Variants in RGPD2 observed in about 807,000 individuals in gnomAD.
RGPD2 encodes the protein RANBP2-like and GRIP domain-containing protein 2.
A neutral mutation model predicts 36.0 loss-of-function variants in RGPD2; 2 were observed. The ratio of observed to expected loss-of-function variants is 0.06; its 90% confidence interval spans 0.02 to 0.17. The LOEUF is 0.17. RGPD2 is among the 10% of genes least tolerant of loss of function. RGPD2 has a pLI of 1.00. For missense variants in RGPD2, 40 were observed against 464.3 expected, an observed-to-expected ratio of 0.09 and a Z score of 8.40; for synonymous variants, 19 against 163.8, an observed-to-expected ratio of 0.12 and a Z score of 6.75.
chr2:87,860,913 A>T, the RGPD2 span, among the ~76,000 whole-genome samples: 1 of 151,424 alleles, frequency 6.6e-6, no homozygotes. Context: ...ATATGATTTT[A>T]TTAGCCCCCT....
chr2:87,989,809 G>A, the RGPD2 span: 38 of 1,334,758 alleles, frequency 2.8e-5, no homozygotes, highest in Non-Finnish European at 3.5e-5. Context: ...GAATCCCTCA[G>A]TTCTGGAACT....
At chr2:87,915,268 G>A in the RGPD2 span, among the ~76,000 whole-genome samples, 17 of 142,378 alleles carry the variant, frequency 1.2e-4, no homozygotes, top group Non-Finnish European at 2.0e-4. Context: ...ATACGTGTGT[G>A]TGTGTGTATA....
At chr2:87,842,045 TG>T in the RGPD2 span, among the ~76,000 whole-genome samples, 1 of 151,134 alleles carries the variant, frequency 6.6e-6, no homozygotes, top group African/African-American at 2.4e-5. Context: ...AATTAGGTAT[TG>T]ATGGGATGTA....
the RGPD2 span, among the ~76,000 whole-genome samples, chr2:87,918,016 G>T: frequency 1.8e-5 from 2 of 113,964 alleles, no homozygotes; most frequent in Middle Eastern, 4.1e-3. Context: ...CTCAAAAAAT[G>T]GACTTTTAAC....
the RGPD2 span, among the ~76,000 whole-genome samples, chr2:87,853,981 G>A: frequency 6.6e-6 from 1 of 152,094 alleles, no homozygotes; most frequent in Non-Finnish European, 1.5e-5. Flanking sequence ...TCTTAATTGT[G>A]CATTGGAGGA....
At chr2:87,818,020 TAAAAAAAAAA>T (rs1175812254) in intron 2 of RGPD2, among the ~76,000 whole-genome samples, 2 of 65,334 alleles carry the variant, frequency 3.1e-5, no homozygotes, top group African/African-American at 4.9e-5. Context: ...AGATACTGAC[TAAAAAAAAAA>T]AAAAAAAAAA....
the RGPD2 span, among the ~76,000 whole-genome samples, chr2:87,843,743 C>T: frequency 6.6e-6 from 1 of 152,246 alleles, no homozygotes; most frequent in South Asian, 2.1e-4. Flanking sequence ...AAACATGCTG[C>T]TATAAAGACA....
the RGPD2 span, among the ~76,000 whole-genome samples, chr2:87,866,854 C>A: frequency 6.6e-6 from 1 of 152,264 alleles, no homozygotes; most frequent in Non-Finnish European, 1.5e-5. Context: ...CCCCTCCTGC[C>A]ATGTGCCCAT....
At chr2:87,841,652 T>A in the RGPD2 span, among the ~76,000 whole-genome samples, 2 of 151,276 alleles carry the variant, frequency 1.3e-5, no homozygotes, top group Middle Eastern at 3.4e-3. Flanking sequence ...CTGGTACCAT[T>A]CCTTCTGAAA....
chr2:87,915,280 ATATATATATGTATATTATATATATTG>A, the RGPD2 span, among the ~76,000 whole-genome samples: 5 of 144,158 alleles, frequency 3.5e-5, no homozygotes, highest in Admixed American at 7.1e-5. Flanking sequence ...GTGTGTATAT[ATATATATATGTATATTATATATATTG>A]TATATATATG....
the RGPD2 span, among the ~76,000 whole-genome samples, chr2:87,834,579 A>AT: frequency 6.6e-6 from 1 of 152,212 alleles, no homozygotes; most frequent in East Asian, 1.9e-4. Context: ...AAGATTTAAA[A>AT]TATCACTCAA....
the RGPD2 span, among the ~76,000 whole-genome samples, chr2:87,934,802 A>C: frequency 7.0e-6 from 1 of 142,214 alleles, no homozygotes; most frequent in African/African-American, 2.6e-5. Context: ...AAAAACTTAT[A>C]CATCTCATTA....
At chr2:87,769,271 A>G (rs1162234746) in intron 22 of RGPD2, among the ~76,000 whole-genome samples, 1 of 151,280 alleles carries the variant, frequency 6.6e-6, no homozygotes, top group Non-Finnish European at 1.5e-5. Context: ...CAGGCCTTAC[A>G]TTCTCTCTCT....
the RGPD2 span, among the ~76,000 whole-genome samples, chr2:87,869,925 T>A: frequency 6.6e-6 from 1 of 152,286 alleles, no homozygotes; most frequent in South Asian, 2.1e-4. Context: ...TTCTTCTGAT[T>A]TGTGTTTTTC....
At chr2:87,916,101 TCA>T in the RGPD2 span, among the ~76,000 whole-genome samples, 1 of 152,084 alleles carries the variant, frequency 6.6e-6, no homozygotes, top group African/African-American at 2.4e-5. Flanking sequence ...AAAAACTGTC[TCA>T]GTTTATTACT....
the RGPD2 span, among the ~76,000 whole-genome samples, chr2:87,986,483 T>G: frequency 6.6e-6 from 1 of 151,890 alleles, no homozygotes; most frequent in Non-Finnish European, 1.5e-5. Context: ...AGTAACCAAA[T>G]AGCCCAGTTT....
At chr2:87,895,238 AGAACAAGAT>A in the RGPD2 span, among the ~76,000 whole-genome samples, 3 of 152,282 alleles carry the variant, frequency 2.0e-5, no homozygotes, top group African/African-American at 7.2e-5. Context: ...TTGTTTGAAT[AGAACAAGAT>A]GAATACTTGA....
At chr2:87,863,823 T>C in the RGPD2 span, among the ~76,000 whole-genome samples, 9 of 152,176 alleles carry the variant, frequency 5.9e-5, no homozygotes, top group Admixed American at 4.6e-4. Context: ...TATTTAAATA[T>C]TGTCAATGTT....
At chr2:87,857,903 A>T in the RGPD2 span, among the ~76,000 whole-genome samples, 45 of 152,194 alleles carry the variant, frequency 3.0e-4, no homozygotes, top group African/African-American at 1.0e-3. Context: ...TTCTGAGTAG[A>T]TACTGTATGT....
Sources: allele counts gnomAD v4.1 joint callset (sites outside exome capture counted in the v4.1 genomes callset), GRCh38; gene constraint gnomAD v4.1.1; transcripts MANE v1.5; gene names NCBI Gene and HGNC (gene_info 2026-07-23, HGNC 2026-07-21).